DGKG: variants seen among roughly 807,000 people sequenced by gnomAD.
DGKG encodes DAG kinase gamma.
A neutral mutation model predicts 105.3 loss-of-function variants in DGKG; 78 were observed. The observed-to-expected ratio is 0.74, with a 90% CI of 0.62 to 0.89. The LOEUF (loss-of-function observed/expected upper bound fraction) is 0.89. DGKG is among the 40% of genes least tolerant of loss of function. DGKG has a pLI of 0.00. For missense variants in DGKG, 958 were observed against 1,020.1 expected, an observed-to-expected ratio of 0.94 and a Z score of 0.83; for synonymous variants, 346 against 367.1, an observed-to-expected ratio of 0.94 and a Z score of 0.66.
intron 1 of DGKG, among the ~76,000 whole-genome samples, chr3:186,359,989 C>T (rs1560172950): frequency 1.3e-5 from 2 of 152,084 alleles, no homozygotes; most frequent in Non-Finnish European, 2.9e-5. Flanking sequence ...CCTTCTCTTC[C>T]AGGGGAGGAG....
chr3:186,312,442 C>T (rs961399950), intron 2 of DGKG, among the ~76,000 whole-genome samples: 6 of 152,130 alleles, frequency 3.9e-5, no homozygotes, highest in Admixed American at 6.5e-5. Context: ...TGCAGGTTCA[C>T]GGACCTCACT....
intron 21 of DGKG, among the ~76,000 whole-genome samples, chr3:186,200,684 GC>G (rs1036395376): frequency 6.6e-6 from 1 of 152,144 alleles, no homozygotes; most frequent in Non-Finnish European, 1.5e-5. Context: ...AGCCTTGTCC[GC>G]CCTGGTGTGT....
chr3:186,269,788 G>T (rs1458975943), intron 11 of DGKG, among the ~76,000 whole-genome samples: 2 of 152,180 alleles, frequency 1.3e-5, no homozygotes, highest in Non-Finnish European at 2.9e-5. Context: ...GGTTGTATCT[G>T]CTCCGTGACC....
At chr3:186,185,887 A>G (rs1301804860) in intron 22 of DGKG, among the ~76,000 whole-genome samples, 1 of 151,868 alleles carries the variant, frequency 6.6e-6, no homozygotes, top group Admixed American at 6.6e-5. Flanking sequence ...ACCTGAGGGC[A>G]GGAGTTTGAG....
intron 20 of DGKG, among the ~76,000 whole-genome samples, chr3:186,221,249 G>C (rs977154573): frequency 6.6e-6 from 1 of 152,154 alleles, no homozygotes; most frequent in Admixed American, 6.5e-5. Context: ...ATGTTGTCAG[G>C]GTTTTCCTTT....
intron 24 of DGKG, chr3:186,161,365 T>C: frequency 3.6e-6 from 5 of 1,374,666 alleles, no homozygotes; most frequent in Non-Finnish European, 3.8e-6. Context: ...TCGAAGTTGG[T>C]TCTATGTCTC....
chr3:186,286,061 T>G (rs1723055489), intron 6 of DGKG, among the ~76,000 whole-genome samples: 1 of 152,206 alleles, frequency 6.6e-6, no homozygotes, highest in African/African-American at 2.4e-5. Context: ...TGCAACCACT[T>G]GGGGCACGTA....
chr3:186,213,218 T>G (rs57060176), intron 20 of DGKG, among the ~76,000 whole-genome samples: 35,151 of 152,148 alleles, frequency 0.23, 4,378 homozygotes, highest in Middle Eastern at 0.35. Context: ...TGAACAAAAT[T>G]AGAAGAGCTG....
rs1721250477 is a variant in DGKG at position 186,252,012 on chromosome 3, A to T, written c.1601-93T>A. ...TTGTCAGGGCAGGTAAGCCCAGGGCATCTGTGACTATGGGACTCCCCACTG... is the reference window on the plus strand; with the variant it reads ...TTGTCAGGGCAGGTAAGCCCAGGGCTTCTGTGACTATGGGACTCCCCACTG... On this transcript the variant is annotated intron_variant, in intron 18 of 24. Transcript: ENST00000265022. The T allele has an allele frequency of 4.8e-6, 6 of 1,253,904 alleles. No homozygotes were observed. The South Asian group carries it at 7.7e-5, about 16-fold the overall frequency. 77.7% of individuals were successfully genotyped at this position (1,253,904 alleles called of 1,614,324 possible).
chr3:186,350,943 T>A (rs1019448473), intron 1 of DGKG, among the ~76,000 whole-genome samples: 35 of 152,356 alleles, frequency 2.3e-4, no homozygotes, highest in African/African-American at 8.4e-4. Context: ...GAATTGGGTT[T>A]TTTTGTTGCT....
intron 22 of DGKG, among the ~76,000 whole-genome samples, chr3:186,168,585 G>A (rs779488711): frequency 3.3e-5 from 5 of 152,050 alleles, no homozygotes; most frequent in Non-Finnish European, 7.4e-5. Context: ...GGTGGCTCAC[G>A]CCTGTAATCC....
intron 20 of DGKG, among the ~76,000 whole-genome samples, chr3:186,216,794 C>T (rs1351866314): frequency 6.6e-6 from 1 of 152,154 alleles, no homozygotes; most frequent in Admixed American, 6.5e-5. Flanking sequence ...CTACTTTACT[C>T]TTAGCCCTTG....
intron 1 of DGKG, among the ~76,000 whole-genome samples, chr3:186,353,220 T>C (rs1560169194): frequency 6.6e-6 from 1 of 152,086 alleles, no homozygotes; most frequent in Non-Finnish European, 1.5e-5. Flanking sequence ...CTTTCCTGAC[T>C]CTCATCTAAA....
At chr3:186,183,707 CT>C (rs1215514780) in intron 22 of DGKG, among the ~76,000 whole-genome samples, 76 of 145,978 alleles carry the variant, frequency 5.2e-4, no homozygotes, top group Non-Finnish European at 5.0e-4. Flanking sequence ...TTCTTTCTTT[CT>C]TTTTTTTTTT....
chr3:186,223,904 T>C (rs908656468), intron 20 of DGKG, among the ~76,000 whole-genome samples: 2 of 152,190 alleles, frequency 1.3e-5, no homozygotes, highest in Non-Finnish European at 1.5e-5. Flanking sequence ...AAGGTCGTGC[T>C]CCTCTCCCCT....
rs1027428840 is a variant in DGKG at position 186,203,250 on chromosome 3, A to G, written c.1917+8545T>C. On this transcript the variant is annotated intron_variant, in intron 21 of 24. Coordinates refer to ENST00000265022, the MANE Select transcript of DGKG (RefSeq NM_001346.3). The surrounding 1 kb of genome is among the most constrained non-coding windows in gnomAD (Gnocchi z 4.9). Reference sequence around the variant, plus strand: ...GATGGGGATGATGGAGCTGCATTTAAAAATGAATAAAGATTTAATAAGCCA... The same window carrying G: ...GATGGGGATGATGGAGCTGCATTTAGAAATGAATAAAGATTTAATAAGCCA... Among the ~76,000 whole-genome samples the G allele has an allele frequency of 2.0e-5, 3 of 152,220 alleles. No homozygotes were observed. Among genetic ancestry groups the G allele is most frequent in the Admixed American group, 6.5e-5 (1 of 15,280 alleles).
intron 23 of DGKG, among the ~76,000 whole-genome samples, 162 bp from the exon 24 acceptor site, chr3:186,161,825 C>T (rs1298692688): frequency 6.6e-6 from 1 of 152,164 alleles, no homozygotes; most frequent in Non-Finnish European, 1.5e-5. Context: ...TTTCTGAGAC[C>T]ACCTCAGGGA....
chr3:186,180,075 A>G (rs879421518), intron 22 of DGKG, among the ~76,000 whole-genome samples: 2 of 152,178 alleles, frequency 1.3e-5, no homozygotes, highest in Non-Finnish European at 2.9e-5. Context: ...AGGGCCTCAC[A>G]GTCTGATGGG....
intron 13 of DGKG, among the ~76,000 whole-genome samples, chr3:186,265,657 C>CTTTTTTTTTTTTTTTTTT (rs68014632): frequency 7.8e-5 from 6 of 77,380 alleles, no homozygotes; most frequent in East Asian, 4.5e-4. Flanking sequence ...TTCTTCCTTT[C>CTTTTTTTTTTTTTTTTTT]TTTTTTTTTT....
Sources: gnomAD v4.1 joint callset for allele counts (sites outside exome capture counted in the v4.1 genomes callset) on GRCh38, gnomAD v4.1.1 for gene constraint, Gnocchi (gnomAD v3.1) non-coding constraint, MANE v1.5 for transcripts, NCBI Gene and HGNC (gene_info 2026-07-23, HGNC 2026-07-21) for gene names.